Variants in FOXN3 observed in about 807,000 individuals in gnomAD.
The protein encoded by FOXN3 is forkhead box N3, also known as forkhead box protein N3.
In FOXN3, 7 loss-of-function variants were observed where a neutral mutation model predicts 38.4. That is an observed-to-expected ratio of 0.18 (90% confidence interval 0.10 to 0.34). The LOEUF (loss-of-function observed/expected upper bound fraction) is 0.34, where lower values mean the gene tolerates loss of function less well. Among genes scored for constraint, FOXN3 ranks in the 10% least tolerant of loss-of-function variants. FOXN3 has a pLI of 1.00. For missense variants in FOXN3, 456 were observed against 613.4 expected (o/e 0.74, Z 2.71); for synonymous variants, 230 against 242.2 (o/e 0.95, Z 0.47).
chr14:89,442,035 T>C lies in FOXN3; in HGVS notation c.-14-29545A>G, dbSNP rs540514379. 2.0e-5 allele frequency among the ~76,000 whole-genome samples: 3 copies of C among 151,750 alleles called. No individual in the cohort carries two copies. The South Asian group carries it at 6.2e-4, about 32-fold the overall frequency. On this transcript the variant is annotated intron_variant, in intron 1 of 6. Transcript: ENST00000345097. The stretch of plus-strand genomic sequence containing the variant: ...TCCGCCTCCCAGGTTCAAGCGATTT[T>C]CCTGCCTCAGCCTCCCAAGTAGCTG...
At chr14:89,186,342 T>C (rs1259472788) in intron 4 of FOXN3, among the ~76,000 whole-genome samples, 1 of 152,054 alleles carries the variant, frequency 6.6e-6, no homozygotes, top group Non-Finnish European at 1.5e-5. Flanking sequence ...TTGTTTATTA[T>C]CTAGTTTGTC....
chr14:89,294,533 T>C (rs1238580286), intron 3 of FOXN3, among the ~76,000 whole-genome samples: 5 of 152,156 alleles, frequency 3.3e-5, no homozygotes, highest in African/African-American at 1.2e-4. Context: ...CCTACCCAGA[T>C]GGTGAAGGCA....
chr14:89,289,023 A>G (rs1886770301), intron 3 of FOXN3, among the ~76,000 whole-genome samples: 1 of 151,324 alleles, frequency 6.6e-6, no homozygotes, highest in African/African-American at 2.4e-5. Flanking sequence ...CTGTACTAAA[A>G]ATACAAAAAT....
intron 3 of FOXN3, chr14:89,291,604 C>G (rs1288715097): frequency 5.8e-6 from 3 of 518,142 alleles, no homozygotes; most frequent in South Asian, 1.5e-5. Flanking sequence ...TTCTGCTTTG[C>G]TGCCCTGGGG....
upstream of FOXN3, among the ~76,000 whole-genome samples, chr14:89,418,301 T>G (rs1891811184): frequency 6.7e-6 from 1 of 149,592 alleles, no homozygotes; most frequent in South Asian, 2.1e-4. Context: ...AAACAGCGAG[T>G]AGACCTGGAG....
intron 1 of FOXN3, among the ~76,000 whole-genome samples, chr14:89,564,796 T>C (rs2139884765): frequency 6.6e-6 from 1 of 151,958 alleles, no homozygotes; most frequent in South Asian, 2.1e-4. Flanking sequence ...AATATGACAA[T>C]GTCCTCATAA....
rs567941708 is a variant in FOXN3, at chr14:89,532,952, G to A, written c.-15+86076C>T. 2.0e-5 allele frequency among the ~76,000 whole-genome samples: 3 copies of A among 152,308 alleles called. No homozygotes were observed. The South Asian group carries it at 6.2e-4, about 32-fold the overall frequency. On this transcript the variant is annotated intron_variant, in intron 1 of 6. Coordinates refer to the FOXN3 transcript ENST00000345097. ...GATACATTAAACTGAATCACAAATA[G>A]AGAAAGGTAGGAGGCTGACATGCCA...
At chr14:89,267,893 C>T (rs939359030) in intron 4 of FOXN3, among the ~76,000 whole-genome samples, 1 of 152,054 alleles carries the variant, frequency 6.6e-6, no homozygotes, top group African/African-American at 2.4e-5. Flanking sequence ...ATTGGTTGGA[C>T]ATGTGAGTCA....
Position 89,575,356 on chromosome 14 carries a change from T to G in FOXN3, c.-15+43672A>C, listed in dbSNP as rs142128519. The stretch of plus-strand genomic sequence containing the variant: ...ATGATAGAGATGGCAGAAAGGAAAT[T>G]GGGAGGTCGTTTTGGGTCAGTAAAC... On this transcript the variant is annotated intron_variant, in intron 1 of 6. Coordinates refer to the FOXN3 transcript ENST00000345097. 2.8e-3 allele frequency among the ~76,000 whole-genome samples: 419 copies of G among 151,944 alleles called. 4 individuals carry two copies. The highest frequency in any genetic ancestry group is 9.5e-3 in the African/African-American group (396 of 41,466).
chr14:89,563,812 G>A (rs192173602), intron 1 of FOXN3, among the ~76,000 whole-genome samples: 1 of 152,286 alleles, frequency 6.6e-6, no homozygotes, highest in Admixed American at 6.5e-5. Context: ...TGCCCAGCAT[G>A]ATAGGATGGG....
At chr14:89,483,779 T>TTTTTATAGAACAAAA (rs1893392300) in intron 1 of FOXN3, among the ~76,000 whole-genome samples, 1 of 152,184 alleles carries the variant, frequency 6.6e-6, no homozygotes, top group East Asian at 1.9e-4. Flanking sequence ...AGAACCCACA[T>TTTTTATAGAACAAAA]CTTTTACTAT....
At chr14:89,373,807 A>G (rs1367875248) in intron 2 of FOXN3, among the ~76,000 whole-genome samples, 3 of 152,222 alleles carry the variant, frequency 2.0e-5, no homozygotes, top group Non-Finnish European at 4.4e-5. Context: ...CTTTGGAACT[A>G]GTAAAAGTTT....
chr14:89,347,224 T>G (rs1459502921), intron 3 of FOXN3, among the ~76,000 whole-genome samples: 1 of 152,200 alleles, frequency 6.6e-6, no homozygotes, highest in Non-Finnish European at 1.5e-5. Flanking sequence ...GATGAATTAT[T>G]ACGGGAGAAA....
chr14:89,511,577 T>A (rs1894094014), intron 1 of FOXN3, among the ~76,000 whole-genome samples: 2 of 151,956 alleles, frequency 1.3e-5, no homozygotes, highest in Non-Finnish European at 2.9e-5. Context: ...TTAACTCACA[T>A]TTACTCCAAG....
chr14:89,423,207 T>C (rs925223493), intron 1 of FOXN3, among the ~76,000 whole-genome samples: 2 of 152,068 alleles, frequency 1.3e-5, no homozygotes, highest in African/African-American at 4.8e-5. Context: ...AGACCAGTAG[T>C]GGGGAGGCGC....
chr14:89,200,746 C>T (rs974034103), intron 4 of FOXN3, among the ~76,000 whole-genome samples: 6 of 152,196 alleles, frequency 3.9e-5, no homozygotes, highest in Non-Finnish European at 4.4e-5. Context: ...AGCAAGTGAA[C>T]GCATCACCTC....
At chr14:89,423,308 C>G (rs1255134104) in intron 1 of FOXN3, among the ~76,000 whole-genome samples, 2 of 152,184 alleles carry the variant, frequency 1.3e-5, no homozygotes, top group Non-Finnish European at 2.9e-5. Flanking sequence ...TTTCTATCTA[C>G]CTAGTTTTCA....
At chr14:89,469,304 C>G (rs548949380) in intron 1 of FOXN3, among the ~76,000 whole-genome samples, 1 of 152,174 alleles carries the variant, frequency 6.6e-6, no homozygotes, top group Non-Finnish European at 1.5e-5. Flanking sequence ...GCCTCCTCCC[C>G]TCTCCAAGGC....
intron 2 of FOXN3, among the ~76,000 whole-genome samples, chr14:89,374,724 C>A (rs1338470401): frequency 6.6e-6 from 1 of 152,100 alleles, no homozygotes; most frequent in Non-Finnish European, 1.5e-5. Context: ...GTAATCCCAG[C>A]ACTTTGGGAG....
Sources: allele counts gnomAD v4.1 joint callset (sites outside exome capture counted in the v4.1 genomes callset), GRCh38; gene constraint gnomAD v4.1.1; transcripts MANE v1.5; gene names NCBI Gene and HGNC (gene_info 2026-07-23, HGNC 2026-07-21).